The following SUSD1 variants were observed in gnomAD, a reference collection of about 807,000 sequenced individuals.
The protein encoded by SUSD1 is sushi domain containing 1.
Under a neutral mutation model 86.9 loss-of-function variants are expected in SUSD1, and 65 were observed. That is an observed-to-expected ratio of 0.75 (90% CI 0.61 to 0.92). The LOEUF (loss-of-function observed/expected upper bound fraction) is 0.92, where lower values mean the gene tolerates loss of function less well. Among genes scored for constraint, SUSD1 ranks in the 40% least tolerant of loss-of-function variants. The pLI is 0.00. For missense variants in SUSD1, 850 were observed against 929.7 expected (o/e 0.91, Z 1.11); for synonymous variants, 346 against 350.0 (o/e 0.99, Z 0.13).
intron 1 of SUSD1, among the ~76,000 whole-genome samples, chr9:112,162,611 A>G (rs1833618787): frequency 6.6e-6 from 1 of 152,248 alleles, no homozygotes; most frequent in South Asian, 2.1e-4. Context: ...AAACAATGAA[A>G]TATGAGAAAT....
intron 6 of SUSD1, among the ~76,000 whole-genome samples, chr9:112,117,644 A>G (rs968588167): frequency 3.9e-5 from 6 of 152,134 alleles, no homozygotes; most frequent in Non-Finnish European, 5.9e-5. Flanking sequence ...CACACTTGTA[A>G]CTAAATACGT....
At chr9:112,150,338 CAGTT>C (rs1832992570) in intron 2 of SUSD1, among the ~76,000 whole-genome samples, 1 of 152,232 alleles carries the variant, frequency 6.6e-6, no homozygotes, top group East Asian at 1.9e-4. Flanking sequence ...CTGATCTACA[CAGTT>C]AGCTTTTTTT....
chr9:112,112,889 C>A, intron 6 of SUSD1, 21 bp from the exon 7 acceptor site: 2 of 1,539,002 alleles, frequency 1.3e-6, no homozygotes, highest in South Asian at 2.2e-5. Flanking sequence ...AAAAGGCAGT[C>A]AACTCACAAA....
chr9:112,160,713 T>C (rs549096966), intron 1 of SUSD1, among the ~76,000 whole-genome samples: 1 of 152,226 alleles, frequency 6.6e-6, no homozygotes, highest in East Asian at 1.9e-4. Context: ...GGATGCATGG[T>C]AATTGCCTTA....
At chr9:112,142,864 C>A (rs531869095) in intron 4 of SUSD1, among the ~76,000 whole-genome samples, 1 of 150,158 alleles carries the variant, frequency 6.7e-6, no homozygotes, top group East Asian at 2.0e-4. Flanking sequence ...GATGCAGGGA[C>A]CTTACCAAAT....
chr9:112,063,448 G>A (rs1029753272), intron 12 of SUSD1, among the ~76,000 whole-genome samples: 1 of 152,182 alleles, frequency 6.6e-6, no homozygotes, highest in South Asian at 2.1e-4. Context: ...TTTATGTGAT[G>A]TGTATTTTGC....
At chr9:112,159,551 AG>A (rs1486079943) in intron 1 of SUSD1, among the ~76,000 whole-genome samples, 1 of 152,256 alleles carries the variant, frequency 6.6e-6, no homozygotes, top group African/African-American at 2.4e-5. Flanking sequence ...AAAATGTTAA[AG>A]GCTGAATTAT....
At chr9:112,124,182 C>T in intron 6 of SUSD1, 75 bp downstream of exon 6, 3 of 1,435,394 alleles carry the variant, frequency 2.1e-6, no homozygotes, top group South Asian at 2.8e-5. Context: ...AAGCAGCAAT[C>T]AGATAGTTTT....
intron 10 of SUSD1, among the ~76,000 whole-genome samples, chr9:112,095,261 C>T (rs763201362): frequency 6.6e-6 from 1 of 152,082 alleles, no homozygotes; most frequent in Non-Finnish European, 1.5e-5. Flanking sequence ...AGTACTAAGA[C>T]CTAGCAAAAG....
chr9:112,089,374 C>A (rs996806654), intron 10 of SUSD1, among the ~76,000 whole-genome samples: 8 of 152,018 alleles, frequency 5.3e-5, no homozygotes, highest in African/African-American at 1.9e-4. Flanking sequence ...GCACTGCAAT[C>A]TCTATATAAG....
At chr9:112,067,486 T>G (rs1829040144) in intron 12 of SUSD1, among the ~76,000 whole-genome samples, 1 of 152,246 alleles carries the variant, frequency 6.6e-6, no homozygotes, top group Admixed American at 6.5e-5. Context: ...TCCAGCGCCT[T>G]GGTATTCTGT....
At chr9:112,087,221 G>C (rs1830021779) in intron 10 of SUSD1, among the ~76,000 whole-genome samples, 1 of 152,032 alleles carries the variant, frequency 6.6e-6, no homozygotes, top group Non-Finnish European at 1.5e-5. Context: ...GCCCAGGCTG[G>C]AGTGCAGTGG....
intron 5 of SUSD1, among the ~76,000 whole-genome samples, chr9:112,134,098 G>C (rs1011814706): frequency 3.1e-4 from 47 of 152,272 alleles, no homozygotes; most frequent in African/African-American, 1.0e-3. Context: ...AAAAGGGAAT[G>C]CTTATATGCT....
chr9:112,075,177 C>A (rs1455757735), intron 12 of SUSD1, among the ~76,000 whole-genome samples: 1 of 152,022 alleles, frequency 6.6e-6, no homozygotes, highest in African/African-American at 2.4e-5. Context: ...CCAGACTGAA[C>A]ACCACTTGTC....
At chr9:112,160,505 C>T (rs564955435) in intron 1 of SUSD1, among the ~76,000 whole-genome samples, 1 of 152,262 alleles carries the variant, frequency 6.6e-6, no homozygotes, top group East Asian at 1.9e-4. Context: ...GATCACACCA[C>T]TGCACTCTAG....
intron 10 of SUSD1, among the ~76,000 whole-genome samples, chr9:112,088,262 G>A (rs1281992433): frequency 6.6e-6 from 1 of 152,178 alleles, no homozygotes; most frequent in Non-Finnish European, 1.5e-5. Context: ...TTCAGTAAAA[G>A]GATTGGTGAT....
chr9:112,170,459 C>G (rs1833988850), intron 1 of SUSD1, among the ~76,000 whole-genome samples: 1 of 151,976 alleles, frequency 6.6e-6, no homozygotes, highest in Non-Finnish European at 1.5e-5. Context: ...TGGTTCTACC[C>G]CTCCTCGCCC....
At chr9:112,069,213 T>G (rs1589606359) in intron 12 of SUSD1, among the ~76,000 whole-genome samples, 1 of 151,892 alleles carries the variant, frequency 6.6e-6, no homozygotes, top group South Asian at 2.1e-4. Flanking sequence ...TCTGTGGCCT[T>G]TATGAAACAG....
intron 1 of SUSD1, among the ~76,000 whole-genome samples, chr9:112,163,512 G>C (rs989149136): frequency 1.3e-5 from 2 of 151,070 alleles, no homozygotes; most frequent in African/African-American, 4.9e-5. Flanking sequence ...GTGGTGCATA[G>C]CTGTAATCCC....
Sources: allele counts gnomAD v4.1 joint callset (sites outside exome capture counted in the v4.1 genomes callset), GRCh38; gene constraint gnomAD v4.1.1; transcripts MANE v1.5; gene names NCBI Gene and HGNC (gene_info 2026-07-23, HGNC 2026-07-21).